Variants in SEMA6D observed in about 807,000 individuals in gnomAD.
SEMA6D encodes the protein semaphorin-6D.
In SEMA6D, 35 loss-of-function variants were observed where a neutral mutation model predicts 106.6. The observed-to-expected ratio is 0.33, with a 90% CI of 0.25 to 0.44. The LOEUF is 0.44. Ranked by LOEUF, SEMA6D falls within the 20% of genes least tolerant of loss-of-function variation. The pLI, the probability that SEMA6D is intolerant of heterozygous loss-of-function variation, is 1.00. For synonymous variants in SEMA6D, 499 were observed against 487.7 expected (o/e 1.02, Z -0.31); for missense variants, 1,185 against 1,345.9 (o/e 0.88, Z 1.87).
chr15:47,659,187 T>G (rs116500447), intron 4 of SEMA6D, among the ~76,000 whole-genome samples: 2,739 of 152,106 alleles, frequency 0.018, 84 homozygotes, highest in African/African-American at 0.063. Flanking sequence ...TAATGTGATA[T>G]ATCACTCAGT....
chr15:47,509,908 A>G (rs748439566), intron 3 of SEMA6D, among the ~76,000 whole-genome samples: 2 of 152,220 alleles, frequency 1.3e-5, no homozygotes, highest in African/African-American at 4.8e-5. Context: ...CCAACATTTG[A>G]CAACCACTGC....
chr15:47,192,475 A>G (rs1466389886), intron 1 of SEMA6D, among the ~76,000 whole-genome samples: 1 of 152,196 alleles, frequency 6.6e-6, no homozygotes, highest in Admixed American at 6.5e-5. Context: ...TCTGGGTTTC[A>G]GTCAAAAATT....
At chr15:47,662,953 A>T (rs2077955866) in intron 4 of SEMA6D, among the ~76,000 whole-genome samples, 1 of 152,074 alleles carries the variant, frequency 6.6e-6, no homozygotes, top group Admixed American at 6.6e-5. Context: ...TTTTGGGCAT[A>T]ACAAATAGTT....
intron 1 of SEMA6D, among the ~76,000 whole-genome samples, chr15:47,315,177 T>G (rs2036616584): frequency 1.3e-5 from 2 of 152,164 alleles, no homozygotes; most frequent in African/African-American, 4.8e-5. Flanking sequence ...TAGGTTTTCT[T>G]AAGTGTTATT....
intron 1 of SEMA6D, among the ~76,000 whole-genome samples, chr15:47,213,137 A>C (rs2030205578): frequency 6.6e-6 from 1 of 152,152 alleles, no homozygotes; most frequent in South Asian, 2.1e-4. Context: ...ACTTAAACAG[A>C]ATTACATTAC....
At position 47,765,276 on chromosome 15, in the gene SEMA6D, C is replaced by G; in HGVS notation, c.1427+220C>G. On this transcript the variant is annotated intron_variant, in intron 13 of 18. Coordinates refer to ENST00000536845, the MANE Select transcript of SEMA6D (RefSeq NM_001358351.3). ...TGATGAGTTTAAAAATAATGCAGCC[C>G]TTGTTTTTCACCTGTAGAATATGAG... The G allele has an allele frequency of 3.0e-6, 4 of 1,319,900 alleles. No homozygotes were observed. The South Asian group carries it at 5.6e-5, about 18-fold the overall frequency. The allele number at this position is 1,319,900 out of a possible 1,614,324, so 81.8% of individuals were successfully genotyped here.
intron 4 of SEMA6D, among the ~76,000 whole-genome samples, chr15:47,687,066 C>A (rs868320157): frequency 1.9e-3 from 230 of 120,852 alleles, no homozygotes; most frequent in South Asian, 2.2e-3. Flanking sequence ...ACCCTGTATC[C>A]AAAAAAAAAA....
Position 47,771,817 on chromosome 15 carries a change from T to C in SEMA6D, c.*32T>C, listed in dbSNP as rs770396150. On this transcript the variant is annotated 3_prime_UTR_variant, in exon 19 of 19. Transcript: ENST00000536845. The stretch of plus-strand genomic sequence containing the variant: ...AGTGTGCTATTCCCATGTGGCTTTA[T>C]CCTGTCCGTGTTGTTGAGAGGATGA... 2.8e-5 allele frequency: 44 copies of C among 1,579,932 alleles called. No individual in the cohort carries two copies. The South Asian group carries it at 4.8e-4, about 17-fold the overall frequency.
At chr15:47,250,384 GAAA>G (rs974346862) in intron 1 of SEMA6D, among the ~76,000 whole-genome samples, 12 of 150,856 alleles carry the variant, frequency 8.0e-5, no homozygotes, top group Non-Finnish European at 1.3e-4. Context: ...GAGAGAAAGA[GAAA>G]AAGAGAAAGA....
At chr15:47,354,049 T>TTCTC (rs146190181) in intron 1 of SEMA6D, among the ~76,000 whole-genome samples, 1 of 150,154 alleles carries the variant, frequency 6.7e-6, no homozygotes, top group Non-Finnish European at 1.5e-5. Flanking sequence ...AGCTCTCTCA[T>TTCTC]TCTCTCTCTC....
chr15:47,474,595 G>A (rs991780352), intron 3 of SEMA6D, among the ~76,000 whole-genome samples: 24 of 152,144 alleles, frequency 1.6e-4, no homozygotes, highest in African/African-American at 5.8e-4. Context: ...CATATGTGCA[G>A]CATCCCTCTA....
chr15:47,534,175 C>T (rs993599260), intron 3 of SEMA6D, among the ~76,000 whole-genome samples: 2 of 151,992 alleles, frequency 1.3e-5, no homozygotes, highest in African/African-American at 4.8e-5. Context: ...AAGAAGGTAT[C>T]TAAGCCAAAA....
chr15:47,289,492 C>G (rs1238623527), intron 1 of SEMA6D, among the ~76,000 whole-genome samples: 1 of 148,516 alleles, frequency 6.7e-6, no homozygotes, highest in African/African-American at 2.5e-5. Context: ...AATTTTTCTT[C>G]TGAAACAGTG....
intron 3 of SEMA6D, among the ~76,000 whole-genome samples, chr15:47,540,947 A>G (rs2045336054): frequency 6.6e-6 from 1 of 152,222 alleles, no homozygotes; most frequent in South Asian, 2.1e-4. Flanking sequence ...GTAATGGAAA[A>G]GAAAGCTGAT....
intron 3 of SEMA6D, among the ~76,000 whole-genome samples, chr15:47,572,581 G>C (rs1320174941): frequency 1.3e-5 from 2 of 152,072 alleles, no homozygotes. Context: ...GATAGCTGGG[G>C]TCAGCCTTCA....
intron 1 of SEMA6D, among the ~76,000 whole-genome samples, chr15:47,265,489 C>T (rs1051659038): frequency 6.6e-6 from 1 of 151,870 alleles, no homozygotes; most frequent in Non-Finnish European, 1.5e-5. Context: ...AAATTGTCCT[C>T]ATACCTTTTT....
chr15:47,224,981 G>A (rs2031531001), intron 1 of SEMA6D, among the ~76,000 whole-genome samples: 1 of 151,114 alleles, frequency 6.6e-6, no homozygotes, highest in Non-Finnish European at 1.5e-5. Context: ...CTGAGGTCAC[G>A]AATACCCACT....
intron 3 of SEMA6D, among the ~76,000 whole-genome samples, chr15:47,574,687 A>G (rs993122422): frequency 6.6e-6 from 1 of 152,208 alleles, no homozygotes; most frequent in African/African-American, 2.4e-5. Flanking sequence ...ACCTCTACTT[A>G]TTTGTGCCAT....
intron 1 of SEMA6D, among the ~76,000 whole-genome samples, chr15:47,409,342 G>A (rs1005818085): frequency 5.3e-5 from 8 of 152,158 alleles, no homozygotes; most frequent in Non-Finnish European, 7.4e-5. Context: ...CTCAGCCAAT[G>A]AGAAAGTATG....
Sources: gnomAD v4.1 joint callset for allele counts (sites outside exome capture counted in the v4.1 genomes callset) on GRCh38, gnomAD v4.1.1 for gene constraint, MANE v1.5 for transcripts, NCBI Gene and HGNC (gene_info 2026-07-23, HGNC 2026-07-21) for gene names.